The following PTCD3 variants were observed in gnomAD, a reference collection of about 807,000 sequenced individuals.
The protein encoded by PTCD3 is small ribosomal subunit protein mS39.
PTCD3 carries 89 observed loss-of-function variants against 101.9 expected under a neutral mutation model. That is an observed-to-expected ratio of 0.87 (90% CI 0.74 to 1.04). PTCD3 has a LOEUF of 1.04. PTCD3 is among the 50% of genes least tolerant of loss of function. The pLI is 0.00. For synonymous variants in PTCD3, 296 were observed against 278.5 expected (o/e 1.06, Z -0.63); for missense variants, 870 against 828.2 (o/e 1.05, Z -0.62).
In PTCD3 at chr2:86,130,730, G is replaced by A. The variant is rs760388608; in HGVS notation, c.1230G>A (p.Pro410=). Residue 410 remains proline, a synonymous_variant, in exon 15 of 24, where the codon CCG becomes CCA. Coordinates refer to ENST00000254630, the MANE Select transcript of PTCD3 (RefSeq NM_017952.6). Reference sequence around the variant, plus strand: ...GAAAGAGATTTTCTCCAAAGGACCCGGATGATGGCATGTATAGAAATCACT... The same window carrying A: ...GAAAGAGATTTTCTCCAAAGGACCCAGATGATGGCATGTATAGAAATCACT... The part of the protein sequence containing the change: ...LMGKRFSPKD[P]DDDKFFQSAM... 50 of 1,613,286 alleles carry A rather than the reference G, an allele frequency of 3.1e-5. No homozygotes were observed. In the Admixed American group the frequency reaches 6.0e-4, roughly 19 times the overall value.
intron 4 of PTCD3, among the ~76,000 whole-genome samples, chr2:86,113,378 TG>T: frequency 6.6e-6 from 1 of 152,334 alleles, no homozygotes; most frequent in South Asian, 2.1e-4. Flanking sequence ...TAATTTCGTC[TG>T]TGGGGAAAAG....
At chr2:86,130,162 G>A (rs750825290) in intron 14 of PTCD3, among the ~76,000 whole-genome samples, 6 of 152,112 alleles carry the variant, frequency 3.9e-5, no homozygotes, top group Admixed American at 6.5e-5. Flanking sequence ...TTAGCCAGGC[G>A]TGGTGGCGAG....
rs1674593890 is a variant in PTCD3 at position 86,136,900 on chromosome 2, T to C, written c.1821-82T>C. On this transcript the variant is annotated intron_variant, in intron 22 of 23. Coordinates refer to ENST00000254630, the MANE Select transcript of PTCD3 (RefSeq NM_017952.6). Reference sequence around the variant, plus strand: ...CCAGAAATACTGTTGGGAATTCTGTTACTGAACTTACACTGGATCTTGCCT... The same window carrying C: ...CCAGAAATACTGTTGGGAATTCTGTCACTGAACTTACACTGGATCTTGCCT... 10 of 1,498,934 alleles carry C rather than the reference T, an allele frequency of 6.7e-6. No homozygotes were observed. The South Asian group carries it at 9.6e-5, about 14-fold the overall frequency. 92.9% of individuals were successfully genotyped at this position (1,498,934 alleles called of 1,614,324 possible).
chr2:86,118,691 G>A (rs1427322352), intron 6 of PTCD3, among the ~76,000 whole-genome samples: 1 of 152,176 alleles, frequency 6.6e-6, no homozygotes, highest in African/African-American at 2.4e-5. Context: ...AGCATACCTT[G>A]GGTAGTATTA....
intron 21 of PTCD3, chr2:86,135,329 G>A (rs1022446589): frequency 5.5e-6 from 1 of 181,878 alleles, no homozygotes; most frequent in Non-Finnish European, 1.1e-5. Context: ...TTGGTCATTT[G>A]GGTTATTGAA....
chr2:86,129,575 G>C lies in PTCD3; in HGVS notation c.1148-1073G>C, dbSNP rs1349178695. On this transcript the variant is annotated intron_variant, in intron 14 of 23. Coordinates refer to ENST00000254630, the MANE Select transcript of PTCD3 (RefSeq NM_017952.6). ...GAGGATTGCTTGTGGCCAGGAGGTTGAAGCTGCAGTAAGCTGCGTTTGCCC... is the reference window on the plus strand; with the variant it reads ...GAGGATTGCTTGTGGCCAGGAGGTTCAAGCTGCAGTAAGCTGCGTTTGCCC... 3.3e-5 allele frequency among the ~76,000 whole-genome samples: 5 copies of C among 152,266 alleles called. No individual in the cohort carries two copies. The East Asian group carries it at 9.6e-4, about 29-fold the overall frequency.
chr2:86,107,263 A>G (rs3810827), intron 1 of PTCD3: 17,065 of 470,288 alleles, frequency 0.036, 682 homozygotes, highest in East Asian at 0.23. Flanking sequence ...CTTCCTCAGC[A>G]TCCGTTCTCA....
In PTCD3 at chr2:86,121,555, T is replaced by A. The variant is rs1294460735; in HGVS notation, c.615T>A (p.Thr205=). 1.9e-6 allele frequency: 3 copies of A among 1,611,118 alleles called. No individual in the cohort carries two copies. Among genetic ancestry groups the A allele is most frequent in the Non-Finnish European group, 8.5e-7 (1 of 1,178,678 alleles). ...LCYYGDQEPS[T]DYHFQQTGQS... The stretch of plus-strand genomic sequence containing the variant: ...ACTATGGTGACCAGGAGCCCTCAAC[T>A]GATTACCATTTTCAACAAACTGGAC... The change falls in exon 8 of 24, where the codon ACT becomes ACA. Residue 205 remains threonine, a synonymous_variant. Coordinates refer to ENST00000254630, the MANE Select transcript of PTCD3 (RefSeq NM_017952.6).
At chr2:86,122,314 A>C (rs889061778) in intron 8 of PTCD3, among the ~76,000 whole-genome samples, 1 of 152,232 alleles carries the variant, frequency 6.6e-6, no homozygotes, top group Non-Finnish European at 1.5e-5. Flanking sequence ...TTACAAATGC[A>C]TACAAAAAAA....
At chr2:86,126,116 G>C (rs188307064) in intron 12 of PTCD3, among the ~76,000 whole-genome samples, 64 of 151,974 alleles carry the variant, frequency 4.2e-4, no homozygotes, top group Non-Finnish European at 8.7e-4. Context: ...TGTAATCCCA[G>C]CTACTTGGGA....
rs373783794 is a variant in PTCD3 at position 86,121,470 on chromosome 2, T to C, written c.539-9T>C. ...AAGGTTTCTTTATCTTTCTGTCTCT[T>C]ACCCACAGGAACCACTGTGTCTCTT... is the stretch of plus-strand genomic sequence containing the variant. On this transcript the variant is annotated splice_polypyrimidine_tract_variant and intron_variant, in intron 7 of 23. Transcript: ENST00000254630. 82 of 1,541,298 alleles carry C rather than the reference T, an allele frequency of 5.3e-5. No homozygotes were observed. The highest frequency in any genetic ancestry group is 3.5e-4 in the Middle Eastern group (2 of 5,780).
At chr2:86,129,933 G>T (rs1674465794) in intron 14 of PTCD3, among the ~76,000 whole-genome samples, 1 of 66,718 alleles carries the variant, frequency 1.5e-5, no homozygotes, top group African/African-American at 3.1e-5. Context: ...GAACTGCCCT[G>T]TCCATTAATT....
intron 3 of PTCD3, among the ~76,000 whole-genome samples, chr2:86,110,205 G>A (rs889338799): frequency 6.6e-6 from 1 of 152,190 alleles, no homozygotes; most frequent in Non-Finnish European, 1.5e-5. Flanking sequence ...ATCTGCTGAA[G>A]GAATGCTGAC....
chr2:86,106,270 G>C lies in PTCD3; in HGVS notation c.23G>C (p.Arg8Pro). The C allele has an allele frequency of 1.2e-6, 2 of 1,613,944 alleles. No individual in the cohort carries two copies. Among genetic ancestry groups the C allele is most frequent in the Non-Finnish European group, 1.7e-6 (2 of 1,179,952 alleles). Residue 8 changes from arginine (R) to proline (P), a missense_variant, in exon 1 of 24, where the codon CGC (arginine) becomes CCC (proline). Arg to Pro is a moderately radical substitution (Grantham distance 103). Transcript: ENST00000254630. MAVVSAV[R>P]WLGLRSRLGQ... ...AAGATGGCGGTTGTATCTGCTGTTC[G>C]CTGGCTGGGCCTCCGCAGCAGGCTT...
chr2:86,108,828 T>C, intron 3 of PTCD3: 1 of 307,076 alleles, frequency 3.3e-6, no homozygotes, highest in Non-Finnish European at 6.0e-6. Context: ...ACATCATCAT[T>C]AGAATAATTT....
rs959515289 is a variant in PTCD3 at position 86,141,439 on chromosome 2, A to G, written c.*3880A>G. 2.0e-5 allele frequency: 3 copies of G among 152,338 alleles called. No individual in the cohort carries two copies. In the South Asian group the frequency reaches 6.2e-4, roughly 32 times the overall value. The allele number at this position is 152,338 out of a possible 1,614,324, so 9.4% of individuals were successfully genotyped here. ...CAAATGATCTGTTCTGCACTGAGCC[A>G]AGCAAGTTACTTTTAAAACTGGTGG... On this transcript the variant is annotated 3_prime_UTR_variant, in exon 24 of 24. Transcript: ENST00000254630.
chr2:86,121,091 A>G (rs1273919482), intron 7 of PTCD3, among the ~76,000 whole-genome samples: 2 of 152,180 alleles, frequency 1.3e-5, no homozygotes, highest in African/African-American at 4.8e-5. Flanking sequence ...CTGGATCCAA[A>G]TGGAATAATT....
chr2:86,135,970 A>G (rs1573860065), intron 21 of PTCD3: 1 of 518,986 alleles, frequency 1.9e-6, no homozygotes, highest in Admixed American at 1.9e-5. Context: ...GCTGATGGGG[A>G]GCACTTACAT....
chr2:86,133,256 A>C lies in PTCD3; in HGVS notation c.1452A>C (p.Ser484=), dbSNP rs202036057. Residue 484 remains serine (S), a splice_region_variant and synonymous_variant, in exon 18 of 24, where the codon TCA becomes TCC. Transcript: ENST00000254630. ...AGTGGTATGAGGACCTGATACCTTCAGTAAGATGGTTCATTACTTGTTATT... is the reference window on the plus strand; with the variant it reads ...AGTGGTATGAGGACCTGATACCTTCCGTAAGATGGTTCATTACTTGTTATT... ...TLKWYEDLIP[S]AYFPHSQTMI... is the part of the protein sequence containing the mutation. 1.2e-6 allele frequency: 2 copies of C among 1,614,002 alleles called. No individual in the cohort carries two copies. The highest frequency in any genetic ancestry group is 1.7e-5 in the Admixed American group (1 of 60,000).
Sources: gnomAD v4.1 joint callset for allele counts (sites outside exome capture counted in the v4.1 genomes callset) on GRCh38, gnomAD v4.1.1 for gene constraint, MANE v1.5 for transcripts, NCBI Gene and HGNC (gene_info 2026-07-23, HGNC 2026-07-21) for gene names.